Variants in GPR89B observed in about 807,000 individuals in gnomAD.
GPR89B encodes golgi pH regulator B, also known as G protein-coupled receptor 89B.
GPR89B carries 25 observed loss-of-function variants against 52.4 expected under a neutral mutation model. The observed-to-expected ratio is 0.48, with a 90% CI of 0.35 to 0.67. The LOEUF (loss-of-function observed/expected upper bound fraction) is 0.67, where lower values mean the gene tolerates loss of function less well. GPR89B is among the 30% of genes least tolerant of loss of function. The probability of loss-of-function intolerance (pLI) is 0.01; values close to 1 mark genes in which losing one functional copy is unlikely to be tolerated. For missense variants in GPR89B, 146 were observed against 450.2 expected, an observed-to-expected ratio of 0.32 and a Z score of 6.11; for synonymous variants, 52 against 151.2, an observed-to-expected ratio of 0.34 and a Z score of 4.81.
At chr1:147,985,635 TG>T (rs1481076638) in intron 10 of GPR89B, among the ~76,000 whole-genome samples, 8 of 151,184 alleles carry the variant, frequency 5.3e-5, no homozygotes, top group East Asian at 1.9e-4. Context: ...TTGATGTGGT[TG>T]TTTTTTTTTT....
At chr1:147,999,222 T>G in the GPR89B span, among the ~76,000 whole-genome samples, 2 of 151,584 alleles carry the variant, frequency 1.3e-5, no homozygotes, top group Non-Finnish European at 2.9e-5. Context: ...GCAAAATGAC[T>G]CATCATTTCT....
intron 12 of GPR89B, 152 bp downstream of exon 12, chr1:147,988,673 GC>G (rs1658844779): frequency 2.0e-6 from 1 of 498,620 alleles, no homozygotes; most frequent in South Asian, 2.1e-5. Flanking sequence ...GTCCATCCTA[GC>G]CAACATGGTG....
chr1:147,942,286 C>G (rs1171475680), intron 3 of GPR89B, among the ~76,000 whole-genome samples: 1 of 147,386 alleles, frequency 6.8e-6, no homozygotes, highest in East Asian at 2.0e-4. Context: ...ACTAAAATGG[C>G]TATAACCAAA....
the GPR89B span, among the ~76,000 whole-genome samples, chr1:148,003,094 C>T: frequency 6.6e-6 from 1 of 152,188 alleles, no homozygotes; most frequent in African/African-American, 2.4e-5. Context: ...TTCCTGTCTG[C>T]TTCATATGAT....
chr1:147,980,767 C>T (rs1658178526), intron 10 of GPR89B, among the ~76,000 whole-genome samples: 1 of 134,548 alleles, frequency 7.4e-6, no homozygotes, highest in Non-Finnish European at 1.5e-5. Flanking sequence ...TGCAGTGAGC[C>T]GAGATCCCGC....
the GPR89B span, chr1:148,011,307 A>G: frequency 6.6e-6 from 1 of 151,976 alleles, no homozygotes; most frequent in Non-Finnish European, 1.5e-5. Flanking sequence ...TTGAAATTAC[A>G]TTTCCTCTGC....
chr1:147,958,326 C>A (rs1294289394), intron 7 of GPR89B, among the ~76,000 whole-genome samples: 1 of 151,820 alleles, frequency 6.6e-6, no homozygotes, highest in Non-Finnish European at 1.5e-5. Context: ...TATTCTCTTT[C>A]TCACTGTATT....
At chr1:147,952,448 G>A (rs1206747021) in intron 5 of GPR89B, among the ~76,000 whole-genome samples, 7 of 151,682 alleles carry the variant, frequency 4.6e-5, no homozygotes, top group Non-Finnish European at 1.0e-4. Flanking sequence ...CCTCTAAAAC[G>A]AGTGTAGTGG....
chr1:147,955,734 C>T (rs1656067335), intron 7 of GPR89B, among the ~76,000 whole-genome samples: 1 of 136,808 alleles, frequency 7.3e-6, no homozygotes, highest in South Asian at 2.6e-4. Flanking sequence ...GGTTCCTTGC[C>T]CATTTAAAAA....
chr1:148,022,498 T>C, the GPR89B span, among the ~76,000 whole-genome samples: 3 of 150,926 alleles, frequency 2.0e-5, no homozygotes, highest in Non-Finnish European at 4.4e-5. Context: ...AGAGTTTTGG[T>C]CAACTTTATC....
chr1:148,017,040 TC>T, the GPR89B span, among the ~76,000 whole-genome samples: 13 of 151,588 alleles, frequency 8.6e-5, no homozygotes, highest in African/African-American at 1.7e-4. Context: ...TTTCTATCTT[TC>T]TTTTTCTTTT....
the GPR89B span, among the ~76,000 whole-genome samples, chr1:148,006,252 G>C: frequency 6.7e-6 from 1 of 149,176 alleles, no homozygotes; most frequent in Non-Finnish European, 1.5e-5. Context: ...TGTGTCATAC[G>C]CCCTTTCTTT....
the GPR89B span, among the ~76,000 whole-genome samples, chr1:148,007,327 G>A: frequency 3.9e-5 from 6 of 152,032 alleles, no homozygotes; most frequent in African/African-American, 9.7e-5. Context: ...CGCCTGCCTC[G>A]GCCTCCCAAA....
chr1:148,017,133 C>G, the GPR89B span, among the ~76,000 whole-genome samples: 5 of 151,810 alleles, frequency 3.3e-5, no homozygotes, highest in Non-Finnish European at 7.4e-5. Context: ...CCTCCGCCTC[C>G]TGGGTTCAAG....
At chr1:147,991,448 C>T (rs1294721397) in intron 12 of GPR89B, among the ~76,000 whole-genome samples, 3 of 152,230 alleles carry the variant, frequency 2.0e-5, no homozygotes, top group African/African-American at 4.8e-5. Flanking sequence ...ATTTCTTTCT[C>T]CTGTCTGATT....
intron 1 of GPR89B, among the ~76,000 whole-genome samples, chr1:147,935,616 G>A (rs1553247737): frequency 1.3e-5 from 2 of 152,206 alleles, no homozygotes; most frequent in Admixed American, 6.5e-5. Context: ...AGGCAGGATG[G>A]TGGAGAAGGT....
At chr1:147,932,347 A>G (rs1349466361) in intron 1 of GPR89B, among the ~76,000 whole-genome samples, 3 of 151,988 alleles carry the variant, frequency 2.0e-5, no homozygotes, top group African/African-American at 7.3e-5. Context: ...GTTTACCTTC[A>G]TGTATATGTA....
chr1:147,969,258 G>T (rs1339890993), intron 9 of GPR89B: 2 of 417,728 alleles, frequency 4.8e-6, no homozygotes, highest in African/African-American at 2.0e-5. Flanking sequence ...GATAAAGATG[G>T]TAGCTACTTT....
chr1:147,930,996 A>G (rs587687434), intron 1 of GPR89B, among the ~76,000 whole-genome samples: 332 of 152,178 alleles, frequency 2.2e-3, no homozygotes, highest in African/African-American at 7.6e-3. Flanking sequence ...ACCTACTGCC[A>G]TAGTACCCTT....
Sources: gnomAD v4.1 joint callset for allele counts (sites outside exome capture counted in the v4.1 genomes callset) on GRCh38, gnomAD v4.1.1 for gene constraint, MANE v1.5 for transcripts, NCBI Gene and HGNC (gene_info 2026-07-23, HGNC 2026-07-21) for gene names.